PDZD2: variants seen among roughly 807,000 people sequenced by gnomAD.
PDZD2 encodes the protein PDZ domain containing 2.
Under a neutral mutation model 220.7 loss-of-function variants are expected in PDZD2, and 90 were observed. That is an observed-to-expected ratio of 0.41 (90% CI 0.34 to 0.49). The LOEUF (loss-of-function observed/expected upper bound fraction) is 0.49, where lower values mean the gene tolerates loss of function less well. PDZD2 is among the 20% of genes least tolerant of loss of function. PDZD2 has a pLI of 0.28. For missense variants in PDZD2, 3,174 were observed against 3,608.5 expected (o/e 0.88, Z 3.08); for synonymous variants, 1,375 against 1,450.5 (o/e 0.95, Z 1.18).
intron 1 of PDZD2, among the ~76,000 whole-genome samples, chr5:31,675,588 C>T (rs1746377244): frequency 6.6e-6 from 1 of 152,224 alleles, no homozygotes; most frequent in Non-Finnish European, 1.5e-5. Flanking sequence ...AGCAGTTGTT[C>T]CAGAATAGGT....
chr5:31,817,965 A>ATTTTTTT (rs368621112), intron 2 of PDZD2, among the ~76,000 whole-genome samples: 5 of 112,244 alleles, frequency 4.5e-5, no homozygotes, highest in African/African-American at 1.1e-4. Flanking sequence ...CACCTGGCCA[A>ATTTTTTT]TTTTTTTTTT....
At chr5:31,845,025 G>A (rs1364683214) in intron 2 of PDZD2, among the ~76,000 whole-genome samples, 1 of 152,126 alleles carries the variant, frequency 6.6e-6, no homozygotes, top group Non-Finnish European at 1.5e-5. Context: ...ACTGTGAAAG[G>A]TAGAAATGGA....
intron 1 of PDZD2, among the ~76,000 whole-genome samples, chr5:31,794,541 C>T (rs1349972282): frequency 4.0e-5 from 6 of 151,518 alleles, no homozygotes; most frequent in Non-Finnish European, 7.4e-5. Flanking sequence ...GCTGGGACTA[C>T]GGGCGCCCAC....
chr5:31,701,502 T>G (rs1053180697), intron 1 of PDZD2, among the ~76,000 whole-genome samples: 5 of 152,188 alleles, frequency 3.3e-5, no homozygotes, highest in Non-Finnish European at 5.9e-5. Context: ...TGAGAAGTCC[T>G]TTTTCCTGAC....
chr5:32,088,488 G>A lies in PDZD2; in HGVS notation c.5040G>A (p.Ala1680=), dbSNP rs148801025. 369 of 1,614,006 alleles carry A rather than the reference G, an allele frequency of 2.3e-4. 1 individual carries two copies. The highest frequency in any genetic ancestry group is 1.2e-3 in the Middle Eastern group (7 of 6,062). The change falls in exon 20 of 25, where the codon GCG becomes GCA. Residue 1680 remains alanine (A), a synonymous_variant. Coordinates refer to ENST00000438447, the MANE Select transcript of PDZD2 (RefSeq NM_178140.4). The surrounding 1 kb of genome is among the most constrained non-coding windows in gnomAD (Gnocchi z 4.6). ...EMSSQEHETH[A]DISTSQNHRP... ...GCTCTCAGGAGCATGAAACTCATGC[G>A]GACATAAGCACTTCACAGAACCACA...
intron 2 of PDZD2, among the ~76,000 whole-genome samples, chr5:31,911,780 C>T (rs1743227888): frequency 6.6e-6 from 1 of 152,162 alleles, no homozygotes; most frequent in African/African-American, 2.4e-5. Flanking sequence ...TGCTGAGTCC[C>T]CAGGAGCTGA....
At chr5:32,022,683 A>AT in intron 6 of PDZD2, among the ~76,000 whole-genome samples, 1 of 152,240 alleles carries the variant, frequency 6.6e-6, no homozygotes, top group Non-Finnish European at 1.5e-5. Flanking sequence ...AACTGATGAC[A>AT]TTCTGGAACA....
chr5:31,790,707 T>G (rs2150219878), intron 1 of PDZD2, among the ~76,000 whole-genome samples: 1 of 142,320 alleles, frequency 7.0e-6, no homozygotes, highest in African/African-American at 2.5e-5. Flanking sequence ...TTTTTTTTTT[T>G]TTTTTTTTTG....
At chr5:31,940,532 A>G (rs913890356) in intron 2 of PDZD2, among the ~76,000 whole-genome samples, 1 of 152,176 alleles carries the variant, frequency 6.6e-6, no homozygotes, top group Non-Finnish European at 1.5e-5. Context: ...CAGCAGAGGA[A>G]CTTGGTCCTT....
chr5:31,701,853 C>T (rs1047090393), intron 1 of PDZD2, among the ~76,000 whole-genome samples: 3 of 152,182 alleles, frequency 2.0e-5, no homozygotes, highest in African/African-American at 7.2e-5. Context: ...GCTGGGGAGC[C>T]CAGATAAATA....
chr5:31,965,317 T>G (rs746862294), intron 2 of PDZD2, among the ~76,000 whole-genome samples: 1 of 152,210 alleles, frequency 6.6e-6, no homozygotes, highest in Non-Finnish European at 1.5e-5. Flanking sequence ...CTGATTTGCA[T>G]AGGGCACAGG....
chr5:31,964,106 A>G (rs752604955), intron 2 of PDZD2, among the ~76,000 whole-genome samples: 3 of 152,124 alleles, frequency 2.0e-5, no homozygotes, highest in Non-Finnish European at 4.4e-5. Context: ...CACTCCTACC[A>G]CAGAACGTGT....
At chr5:31,870,801 A>T (rs1738721284) in intron 2 of PDZD2, among the ~76,000 whole-genome samples, 1 of 151,454 alleles carries the variant, frequency 6.6e-6, no homozygotes, top group Non-Finnish European at 1.5e-5. Context: ...AGGCAGGAGA[A>T]TTGCTTGAAC....
chr5:32,037,106 TC>T (rs563328253), intron 6 of PDZD2, 124 bp from the exon 7 acceptor site: 16 of 638,770 alleles, frequency 2.5e-5, no homozygotes, highest in Non-Finnish European at 3.9e-5. Context: ...GATCCCGTGG[TC>T]CTTCTTCTCA....
intron 7 of PDZD2, among the ~76,000 whole-genome samples, chr5:32,046,705 T>G (rs751035641): frequency 6.6e-5 from 10 of 152,064 alleles, no homozygotes; most frequent in Non-Finnish European, 1.3e-4. Flanking sequence ...ATATTTACAA[T>G]CCATAGATCC....
chr5:31,700,127 G>C (rs568310633), intron 1 of PDZD2, among the ~76,000 whole-genome samples: 10 of 152,154 alleles, frequency 6.6e-5, no homozygotes, highest in South Asian at 2.1e-4. Flanking sequence ...GGCAGAGGCC[G>C]TGGGAATGGA....
At chr5:31,778,431 G>A (rs1169645046) in intron 1 of PDZD2, among the ~76,000 whole-genome samples, 2 of 152,126 alleles carry the variant, frequency 1.3e-5, no homozygotes, top group Admixed American at 6.5e-5. Context: ...CACTCACCGC[G>A]AAGGTCTGCA....
chr5:31,708,398 C>T (rs755430753), intron 1 of PDZD2, among the ~76,000 whole-genome samples: 2 of 152,168 alleles, frequency 1.3e-5, no homozygotes, highest in Non-Finnish European at 2.9e-5. Flanking sequence ...GGAGCCTGGC[C>T]GTTTGTTTTT....
intron 6 of PDZD2, among the ~76,000 whole-genome samples, chr5:32,027,676 C>G (rs1246276691): frequency 6.6e-6 from 1 of 152,210 alleles, no homozygotes; most frequent in Admixed American, 6.5e-5. Flanking sequence ...GAGTTACTCT[C>G]TTGATTGGAA....
Sources: allele counts gnomAD v4.1 joint callset (sites outside exome capture counted in the v4.1 genomes callset), GRCh38; gene constraint gnomAD v4.1.1; non-coding constraint Gnocchi (gnomAD v3.1); transcripts MANE v1.5; gene names NCBI Gene and HGNC (gene_info 2026-07-23, HGNC 2026-07-21).